The following SLX4IP variants were observed in gnomAD, a reference collection of about 807,000 sequenced individuals.
SLX4IP encodes the protein SLX4 interacting protein, also known as protein SLX4IP.
A neutral mutation model predicts 32.9 loss-of-function variants in SLX4IP; 34 were observed. The observed-to-expected ratio is 1.03, with a 90% confidence interval of 0.79 to 1.38. The LOEUF is 1.38. Among genes scored for constraint, SLX4IP ranks in the 40% most tolerant of loss-of-function variants. The pLI is 0.00. For synonymous variants in SLX4IP, 172 were observed against 171.7 expected (o/e 1.00, Z -0.01); for missense variants, 444 against 479.0 (o/e 0.93, Z 0.68).
chr20:10,588,088 G>T (rs758406191), intron 4 of SLX4IP, among the ~76,000 whole-genome samples: 68 of 151,636 alleles, frequency 4.5e-4, no homozygotes, highest in Non-Finnish European at 8.4e-4. Flanking sequence ...TCTAATAAGG[G>T]ATTAATATCC....
intron 6 of SLX4IP, chr20:10,613,038 A>G (rs2066986206): frequency 8.6e-6 from 2 of 232,136 alleles, no homozygotes; most frequent in Admixed American, 5.2e-5. Flanking sequence ...GCTGTCCAGC[A>G]AGTGTCTGGA....
At chr20:10,504,088 G>A (rs1194124865) in intron 2 of SLX4IP, among the ~76,000 whole-genome samples, 3 of 152,184 alleles carry the variant, frequency 2.0e-5, no homozygotes, top group African/African-American at 7.2e-5. Flanking sequence ...AGAAGCAGCA[G>A]CCATGAAGAA....
chr20:10,490,193 CT>C (rs71334406), intron 2 of SLX4IP, among the ~76,000 whole-genome samples: 2 of 135,470 alleles, frequency 1.5e-5, no homozygotes, highest in African/African-American at 2.5e-5. Context: ...GTGGAAATTT[CT>C]TTTTTTTTTA....
At chr20:10,603,689 A>G (rs1049129902) in intron 6 of SLX4IP, among the ~76,000 whole-genome samples, 1 of 152,044 alleles carries the variant, frequency 6.6e-6, no homozygotes, top group African/African-American at 2.4e-5. Context: ...AAAGCCTGGC[A>G]CTACTCAACA....
At chr20:10,455,308 C>T (rs771321333) in intron 1 of SLX4IP, among the ~76,000 whole-genome samples, 3 of 152,078 alleles carry the variant, frequency 2.0e-5, no homozygotes, top group Non-Finnish European at 2.9e-5. Context: ...TGAAAGGTCA[C>T]AAAAATTTAT....
At chr20:10,554,096 T>C (rs948678564) in intron 2 of SLX4IP, among the ~76,000 whole-genome samples, 2 of 152,244 alleles carry the variant, frequency 1.3e-5, no homozygotes, top group South Asian at 4.1e-4. Flanking sequence ...ACATACAAAG[T>C]TCCTTTGTGA....
At chr20:10,513,037 G>C (rs527537121) in intron 2 of SLX4IP, among the ~76,000 whole-genome samples, 4 of 151,794 alleles carry the variant, frequency 2.6e-5, no homozygotes, top group Non-Finnish European at 4.4e-5. Flanking sequence ...TTCTGCATCA[G>C]GTGACTTTTC....
chr20:10,466,266 C>T (rs901218985), intron 2 of SLX4IP, among the ~76,000 whole-genome samples: 53 of 152,236 alleles, frequency 3.5e-4, no homozygotes, highest in African/African-American at 1.3e-3. Flanking sequence ...ATAATTCTAA[C>T]TTATGATTTT....
chr20:10,590,421 C>T (rs561003859), intron 4 of SLX4IP, among the ~76,000 whole-genome samples: 9 of 152,002 alleles, frequency 5.9e-5, no homozygotes, highest in African/African-American at 1.9e-4. Context: ...AGTGCAGTGG[C>T]GCGATCTCGG....
chr20:10,450,716 G>C (rs2065233986), intron 1 of SLX4IP, among the ~76,000 whole-genome samples: 1 of 152,196 alleles, frequency 6.6e-6, no homozygotes, highest in African/African-American at 2.4e-5. Context: ...TGTTGACTGA[G>C]TAATAATAAT....
intron 1 of SLX4IP, among the ~76,000 whole-genome samples, chr20:10,450,765 G>A (rs776344601): frequency 6.6e-6 from 1 of 152,032 alleles, no homozygotes; most frequent in African/African-American, 2.4e-5. Flanking sequence ...TTTTTTGTTT[G>A]TTTTGAGACG....
intron 2 of SLX4IP, among the ~76,000 whole-genome samples, chr20:10,554,035 G>A (rs1460018333): frequency 6.6e-6 from 1 of 152,226 alleles, no homozygotes; most frequent in Admixed American, 6.5e-5. Flanking sequence ...GAAAGGAACT[G>A]ATTGCAGTGT....
In SLX4IP at chr20:10,580,661, T is replaced by C. The variant is rs541766913; in HGVS notation, c.239-18014T>C. ...TTCTTGATACCCCTAGGACCTCACA[T>C]AGTACTTATATGTGGTAGGTGTGCA... On this transcript the variant is annotated intron_variant, in intron 4 of 7. Transcript: ENST00000334534. Among the ~76,000 whole-genome samples, 43 of 152,040 alleles carry C rather than the reference T, an allele frequency of 2.8e-4. 1 individual carries two copies. The South Asian group carries it at 8.5e-3, about 30-fold the overall frequency.
chr20:10,570,336 A>G (rs2066447045), intron 4 of SLX4IP, among the ~76,000 whole-genome samples: 1 of 151,998 alleles, frequency 6.6e-6, no homozygotes, highest in Non-Finnish European at 1.5e-5. Context: ...GTGGCTATCC[A>G]CTCAGGAGTG....
intron 4 of SLX4IP, among the ~76,000 whole-genome samples, chr20:10,595,728 C>G (rs2066762397): frequency 6.6e-6 from 1 of 152,188 alleles, no homozygotes; most frequent in Admixed American, 6.5e-5. Flanking sequence ...CAATAATTTT[C>G]TCTGTTTATA....
At chr20:10,590,188 T>A (rs1029476629) in intron 4 of SLX4IP, among the ~76,000 whole-genome samples, 1 of 152,132 alleles carries the variant, frequency 6.6e-6, no homozygotes, top group African/African-American at 2.4e-5. Flanking sequence ...TTAATCTTTT[T>A]AAGACCTTTT....
At chr20:10,615,176 C>T (rs991813910) in intron 6 of SLX4IP, among the ~76,000 whole-genome samples, 12 of 152,036 alleles carry the variant, frequency 7.9e-5, no homozygotes, top group African/African-American at 2.9e-4. Context: ...GGAGAAGTGC[C>T]AATGCAGCCA....
At chr20:10,553,858 C>A (rs907055380) in intron 2 of SLX4IP, among the ~76,000 whole-genome samples, 2 of 152,148 alleles carry the variant, frequency 1.3e-5, no homozygotes, top group Admixed American at 6.5e-5. Flanking sequence ...CGTAGGAAAC[C>A]ATCTTTCAAC....
At chr20:10,506,459 T>C (rs2065760541) in intron 2 of SLX4IP, among the ~76,000 whole-genome samples, 1 of 152,230 alleles carries the variant, frequency 6.6e-6, no homozygotes, top group Non-Finnish European at 1.5e-5. Flanking sequence ...AATCCTTTTC[T>C]ACATGCTAGG....
Sources: gnomAD v4.1 joint callset for allele counts (sites outside exome capture counted in the v4.1 genomes callset) on GRCh38, gnomAD v4.1.1 for gene constraint, MANE v1.5 for transcripts, NCBI Gene and HGNC (gene_info 2026-07-23, HGNC 2026-07-21) for gene names.